NRF1: variants seen among roughly 807,000 people sequenced by gnomAD.
NRF1 encodes the protein nuclear respiratory factor 1, also known as alpha palindromic-binding protein.
In NRF1, 5 loss-of-function variants were observed where a neutral mutation model predicts 58.5. That is an observed-to-expected ratio of 0.09 (90% CI 0.04 to 0.18). NRF1 has a LOEUF of 0.18. NRF1 is among the 10% of genes least tolerant of loss of function. NRF1 has a pLI of 1.00. For missense variants in NRF1, 288 were observed against 657.7 expected (o/e 0.44, Z 6.15); for synonymous variants, 224 against 246.7 (o/e 0.91, Z 0.86).
chr7:129,622,591 A>G (rs1055340078), intron 1 of NRF1, among the ~76,000 whole-genome samples: 3 of 140,110 alleles, frequency 2.1e-5, no homozygotes, highest in African/African-American at 8.1e-5. Flanking sequence ...TTTTTTTGAG[A>G]CAATGTCTCG....
chr7:129,670,572 A>G (rs1335897347), intron 2 of NRF1, among the ~76,000 whole-genome samples: 1 of 152,202 alleles, frequency 6.6e-6, no homozygotes, highest in Non-Finnish European at 1.5e-5. Context: ...CAATATACAG[A>G]TGAGCAATTT....
intron 1 of NRF1, among the ~76,000 whole-genome samples, chr7:129,637,462 T>C (rs998089398): frequency 6.6e-5 from 10 of 152,180 alleles, no homozygotes; most frequent in Non-Finnish European, 1.5e-5. Flanking sequence ...ATAACAATGG[T>C]TATAAAAGTA....
chr7:129,745,003 G>GA (rs34557264), intron 10 of NRF1, among the ~76,000 whole-genome samples: 6,423 of 148,188 alleles, frequency 0.043, 164 homozygotes, highest in Middle Eastern at 0.12. Flanking sequence ...AAAGTTTGAA[G>GA]AAAAAAAAAA....
At chr7:129,731,363 C>G (rs1480988653) in intron 10 of NRF1, among the ~76,000 whole-genome samples, 2 of 151,994 alleles carry the variant, frequency 1.3e-5, no homozygotes. Flanking sequence ...TTGCACCTAG[C>G]ACCTGCGCAC....
intron 1 of NRF1, 69 bp from the exon 2 acceptor site, chr7:129,657,277 C>A: frequency 8.7e-7 from 1 of 1,146,052 alleles, no homozygotes. Context: ...AATAAAATAT[C>A]TCTTAGTTTA....
intron 5 of NRF1, among the ~76,000 whole-genome samples, chr7:129,706,517 AAAGAT>A (rs1313145699): frequency 6.6e-6 from 1 of 152,250 alleles, no homozygotes; most frequent in Non-Finnish European, 1.5e-5. Flanking sequence ...GGAGAAAAGT[AAAGAT>A]AACTTTGACA....
At chr7:129,690,027 A>G (rs1487304811) in intron 4 of NRF1, among the ~76,000 whole-genome samples, 1 of 152,208 alleles carries the variant, frequency 6.6e-6, no homozygotes, top group African/African-American at 2.4e-5. Context: ...GATTTTGGTG[A>G]TGAGCTGCCA....
chr7:129,692,368 G>A (rs1329626226), intron 5 of NRF1, among the ~76,000 whole-genome samples: 2 of 151,996 alleles, frequency 1.3e-5, no homozygotes, highest in East Asian at 3.9e-4. Flanking sequence ...GCAGCAGGCT[G>A]GTATTTTTTT....
At chr7:129,626,239 G>A (rs1325243332) in intron 1 of NRF1, among the ~76,000 whole-genome samples, 5 of 152,276 alleles carry the variant, frequency 3.3e-5, no homozygotes, top group South Asian at 4.1e-4. Context: ...TGTTGCCTTC[G>A]ACATACAGTA....
chr7:129,719,979 C>T (rs1803283348), intron 9 of NRF1, among the ~76,000 whole-genome samples: 2 of 149,480 alleles, frequency 1.3e-5, no homozygotes, highest in South Asian at 4.1e-4. Flanking sequence ...CATTTGGGCT[C>T]TCTTTGTTAT....
At chr7:129,724,583 A>G (rs1044629637) in intron 9 of NRF1, among the ~76,000 whole-genome samples, 6 of 152,266 alleles carry the variant, frequency 3.9e-5, no homozygotes, top group Non-Finnish European at 7.3e-5. Flanking sequence ...TTGTATGCCC[A>G]TGTTCACAGC....
At chr7:129,617,739 G>A (rs1395545467) in intron 1 of NRF1, among the ~76,000 whole-genome samples, 2 of 152,106 alleles carry the variant, frequency 1.3e-5, no homozygotes, top group African/African-American at 4.8e-5. Flanking sequence ...TCTAGGGAGA[G>A]GAGAATGATA....
chr7:129,675,462 G>A (rs1380421035), intron 3 of NRF1, among the ~76,000 whole-genome samples: 1 of 152,108 alleles, frequency 6.6e-6, no homozygotes, highest in East Asian at 1.9e-4. Context: ...ATCCATCAGA[G>A]GAATCACTAT....
chr7:129,686,101 C>CAAA (rs540355035), intron 4 of NRF1, among the ~76,000 whole-genome samples: 1 of 57,736 alleles, frequency 1.7e-5, no homozygotes, highest in Non-Finnish European at 3.8e-5. Flanking sequence ...GACTGTATCT[C>CAAA]AAAAAAAAAA....
chr7:129,642,758 T>A (rs57578473), intron 1 of NRF1, among the ~76,000 whole-genome samples: 2,632 of 131,724 alleles, frequency 0.02, 81 homozygotes, highest in Non-Finnish European at 0.029. Context: ...CTTTAAAAAA[T>A]TTTTTTTTTT....
At chr7:129,619,461 TGTGTG>T (rs1228534001) in intron 1 of NRF1, among the ~76,000 whole-genome samples, 1 of 30,170 alleles carries the variant, frequency 3.3e-5, no homozygotes, top group African/African-American at 1.5e-4. Context: ...TATATACACG[TGTGTG>T]TGTGTGTGTG....
At chr7:129,641,999 G>A (rs951721533) in intron 1 of NRF1, among the ~76,000 whole-genome samples, 2 of 145,732 alleles carry the variant, frequency 1.4e-5, no homozygotes, top group Non-Finnish European at 3.0e-5. Flanking sequence ...TATTTTTTGA[G>A]ACAGAGCCTC....
At chr7:129,693,674 T>C (rs1314430415) in intron 5 of NRF1, among the ~76,000 whole-genome samples, 1 of 152,216 alleles carries the variant, frequency 6.6e-6, no homozygotes, top group Non-Finnish European at 1.5e-5. Flanking sequence ...TTTTCTTTAC[T>C]GTCTTTTTAC....
intron 1 of NRF1, among the ~76,000 whole-genome samples, chr7:129,625,809 G>A (rs968376548): frequency 6.6e-6 from 1 of 150,434 alleles, no homozygotes; most frequent in Non-Finnish European, 1.5e-5. Flanking sequence ...AGCCTCCCGA[G>A]TAGCTGGGAC....
Sources: allele counts gnomAD v4.1 joint callset (sites outside exome capture counted in the v4.1 genomes callset), GRCh38; gene constraint gnomAD v4.1.1; transcripts MANE v1.5; gene names NCBI Gene and HGNC (gene_info 2026-07-23, HGNC 2026-07-21).